Variants in TBCD observed in about 807,000 individuals in gnomAD.
The protein encoded by TBCD is tubulin-specific chaperone D.
TBCD carries 105 observed loss-of-function variants against 169.3 expected under a neutral mutation model. The observed-to-expected ratio is 0.62, with a 90% CI of 0.53 to 0.73. The LOEUF (loss-of-function observed/expected upper bound fraction) is 0.73. Ranked by LOEUF, TBCD falls within the 30% of genes least tolerant of loss-of-function variation. TBCD has a pLI of 0.00. For missense variants in TBCD, 1,444 were observed against 1,600.1 expected, an observed-to-expected ratio of 0.90 and a Z score of 1.66; for synonymous variants, 700 against 643.9, an observed-to-expected ratio of 1.09 and a Z score of -1.32.
chr17:82,879,867 A>G (rs1599159834), intron 14 of TBCD, among the ~76,000 whole-genome samples: 1 of 149,048 alleles, frequency 6.7e-6, no homozygotes, highest in South Asian at 2.1e-4. Flanking sequence ...TGCCCTTAAG[A>G]CTCATCCCAG....
At chr17:82,759,890 T>G (rs1418278812) in intron 2 of TBCD, among the ~76,000 whole-genome samples, 4 of 33,680 alleles carry the variant, frequency 1.2e-4, no homozygotes, top group South Asian at 1.4e-3. Flanking sequence ...GTTTGTTTGT[T>G]TTTTTTTTTT....
intron 13 of TBCD, among the ~76,000 whole-genome samples, chr17:82,858,141 T>G (rs2145764344): frequency 6.6e-6 from 1 of 152,234 alleles, no homozygotes; most frequent in Admixed American, 6.5e-5. Context: ...CTCGAACTCC[T>G]GGGCTCAAGT....
At chr17:82,921,313 CA>C in intron 24 of TBCD, 187 bp from the exon 25 acceptor site, 1 of 597,574 alleles carries the variant, frequency 1.7e-6, no homozygotes, top group Non-Finnish European at 3.0e-6. Context: ...CACAATTTAA[CA>C]GCCATGAGAG....
chr17:82,832,563 C>G lies in TBCD; in HGVS notation c.1318+17629C>G. 11 of 982,468 alleles carry G rather than the reference C, an allele frequency of 1.1e-5. No homozygotes were observed. Among genetic ancestry groups the G allele is most frequent in the Non-Finnish European group, 1.7e-5 (11 of 636,186 alleles). The allele number at this position is 982,468 out of a possible 1,614,324, so 60.9% of individuals were successfully genotyped here. A position where few individuals can be genotyped will look rare whatever the true frequency, so the allele number is the denominator to read the frequency against. On this transcript the variant is annotated intron_variant, in intron 13 of 38. Coordinates refer to ENST00000355528, the MANE Select transcript of TBCD (RefSeq NM_005993.5). This position sits in a 1 kb window ranked among gnomAD's most constrained non-coding sequence, Gnocchi z 4.9. ...GCACCTCCCGCTTTGCTTTCTTTCC[C>G]GATCACTTCTATCAGAAGCCAGCTC...
chr17:82,923,651 G>T lies in TBCD; in HGVS notation c.2179-1G>T. On this transcript the variant is annotated splice_acceptor_variant, in intron 25 of 38. Transcript: ENST00000355528. LOFTEE classifies it high-confidence loss of function. The surrounding 1 kb of genome is among the most constrained non-coding windows in gnomAD (Gnocchi z 4.6). Reference sequence around the variant, plus strand: ...CGCTCACCGTGCTGCCTTTGTTTTAGGATGCAGCAGTCTCGGCCCTGGCTG... The same window carrying T: ...CGCTCACCGTGCTGCCTTTGTTTTATGATGCAGCAGTCTCGGCCCTGGCTG... The T allele has an allele frequency of 6.4e-7, 1 of 1,571,238 alleles. No homozygotes were observed. The highest frequency in any genetic ancestry group is 8.6e-7 in the Non-Finnish European group (1 of 1,157,512).
chr17:82,916,240 T>C (rs948470802), intron 23 of TBCD, among the ~76,000 whole-genome samples: 7 of 152,220 alleles, frequency 4.6e-5, no homozygotes, highest in Non-Finnish European at 1.0e-4. Flanking sequence ...AAATGGCTTT[T>C]TCCACTTTTT....
chr17:82,834,176 G>A (rs936831654), intron 13 of TBCD, among the ~76,000 whole-genome samples: 2 of 152,148 alleles, frequency 1.3e-5, no homozygotes, highest in Non-Finnish European at 2.9e-5. Flanking sequence ...TCGAGCTCCT[G>A]ACCTCAGGTG....
intron 14 of TBCD, among the ~76,000 whole-genome samples, chr17:82,873,426 T>A (rs1013874635): frequency 6.6e-6 from 1 of 151,970 alleles, no homozygotes; most frequent in African/African-American, 2.4e-5. Context: ...GGTTCTCTGT[T>A]TTGGGGGAAA....
chr17:82,806,853 G>C lies in TBCD; in HGVS notation c.1088-755G>C, dbSNP rs2051002782. Among the ~76,000 whole-genome samples, 2 of 152,170 alleles carry C rather than the reference G, an allele frequency of 1.3e-5. No homozygotes were observed. Among genetic ancestry groups the C allele is most frequent in the Non-Finnish European group, 2.9e-5 (2 of 68,016 alleles). ...TTGCTTCTCAGAGCCCTCCCTGGTTGCGTGGTAGGCGCCCGCATCTGTGCT... is the reference window on the plus strand; with the variant it reads ...TTGCTTCTCAGAGCCCTCCCTGGTTCCGTGGTAGGCGCCCGCATCTGTGCT... On this transcript the variant is annotated intron_variant, in intron 10 of 38. Coordinates refer to ENST00000355528, the MANE Select transcript of TBCD (RefSeq NM_005993.5). The surrounding 1 kb of genome is among the most constrained non-coding windows in gnomAD (Gnocchi z 5.1).
chr17:82,779,794 G>A (rs139511229), intron 6 of TBCD, among the ~76,000 whole-genome samples: 6 of 152,246 alleles, frequency 3.9e-5, no homozygotes, highest in African/African-American at 1.2e-4. Context: ...GAGGTTGGGC[G>A]TCATAGCCTG....
rs753682589 is a variant in TBCD, at chr17:82,942,529, G to A, written c.*66G>A. 1 of 1,610,398 alleles carries A rather than the reference G, an allele frequency of 6.2e-7. No individual in the cohort carries two copies. Among genetic ancestry groups the A allele is most frequent in the Admixed American group, 1.7e-5 (1 of 59,938 alleles). ...GATGTCTTGTTCCTGAGGGAGGCCG[G>A]TGTGGAAAGCCTCGCACAGTGGTGC... On this transcript the variant is annotated 3_prime_UTR_variant, in exon 39 of 39. Coordinates refer to ENST00000355528, the MANE Select transcript of TBCD (RefSeq NM_005993.5).
Position 82,891,061 on chromosome 17 carries a change from C to T in TBCD, c.1563+1364C>T, listed in dbSNP as rs117186292. On this transcript the variant is annotated intron_variant, in intron 16 of 38. Transcript: ENST00000355528. ...GTGCTGAGGCCAGAGCCCGGGGTGA[C>T]GACCGTGCTGGGTGGGCCCTGGGGC... 5.6e-3 allele frequency among the ~76,000 whole-genome samples: 854 copies of T among 152,340 alleles called. 3 individuals are homozygous for T. The highest frequency in any genetic ancestry group is 0.02 in the Middle Eastern group (6 of 294).
chr17:82,859,615 G>A, intron 13 of TBCD: 1 of 985,464 alleles, frequency 1.0e-6, no homozygotes, highest in Non-Finnish European at 1.2e-6. Flanking sequence ...TGTGAGCCCT[G>A]TAGTGAGGAC....
At chr17:82,811,339 C>T (rs984432728) in intron 12 of TBCD, among the ~76,000 whole-genome samples, 1 of 152,268 alleles carries the variant, frequency 6.6e-6, no homozygotes, top group African/African-American at 2.4e-5. Context: ...CCCTCCACAA[C>T]GTGCAGCCTC....
At chr17:82,799,807 T>G (rs968470117) in intron 8 of TBCD, among the ~76,000 whole-genome samples, 14 of 152,214 alleles carry the variant, frequency 9.2e-5, no homozygotes, top group African/African-American at 3.4e-4. Flanking sequence ...GTCGTGCTTG[T>G]CACCCACGCT....
rs1352919427 is a variant in TBCD at position 82,771,005 on chromosome 17, A to AGTGAG, written c.583-1447_583-1446insGTGAG. ...AGAGGTTGCAGTGAGCCAAGATTGC[A>AGTGAG]CCACTGCACTCTAGCCTGGGCAGCA... is the stretch of plus-strand genomic sequence containing the variant. On this transcript the variant is annotated intron_variant, in intron 5 of 38. Transcript: ENST00000355528. Among the ~76,000 whole-genome samples the AGTGAG allele has an allele frequency of 2.1e-5, 3 of 142,318 alleles. No homozygotes were observed. The Admixed American group carries it at 2.3e-4, about 11-fold the overall frequency. The allele number at this position is 142,318 out of a possible 152,430, so 93.4% of individuals were successfully genotyped here. A position where few individuals can be genotyped will look rare whatever the true frequency, so the allele number is the denominator to read the frequency against.
intron 16 of TBCD, among the ~76,000 whole-genome samples, chr17:82,892,423 C>G (rs1705305312): frequency 6.6e-6 from 1 of 152,084 alleles, no homozygotes; most frequent in Non-Finnish European, 1.5e-5. Flanking sequence ...ATTGCAGCAG[C>G]CTCAGGCAGA....
chr17:82,855,922 A>T (rs980788155), intron 13 of TBCD, among the ~76,000 whole-genome samples: 1 of 148,662 alleles, frequency 6.7e-6, no homozygotes, highest in African/African-American at 2.5e-5. Flanking sequence ...TCTGTATTGT[A>T]GCATGTGTCA....
chr17:82,871,605 G>T (rs1182786845), intron 14 of TBCD, among the ~76,000 whole-genome samples: 1 of 152,252 alleles, frequency 6.6e-6, no homozygotes, highest in Non-Finnish European at 1.5e-5. Flanking sequence ...GGGGTCATGG[G>T]ATGCAGCGTC....
Sources: allele counts gnomAD v4.1 joint callset (sites outside exome capture counted in the v4.1 genomes callset), GRCh38; gene constraint gnomAD v4.1.1; non-coding constraint Gnocchi (gnomAD v3.1); transcripts MANE v1.5; gene names NCBI Gene and HGNC (gene_info 2026-07-23, HGNC 2026-07-21).